TRIM24: variants seen among roughly 807,000 people sequenced by gnomAD.
TRIM24 encodes tripartite motif containing 24.
In TRIM24, 29 loss-of-function variants were observed where a neutral mutation model predicts 123.9. That is an observed-to-expected ratio of 0.23 (90% CI 0.17 to 0.32). The LOEUF (loss-of-function observed/expected upper bound fraction) is 0.32. TRIM24 is among the 10% of genes least tolerant of loss of function. The pLI is 1.00. For synonymous variants in TRIM24, 456 were observed against 461.1 expected, an observed-to-expected ratio of 0.99 and a Z score of 0.14; for missense variants, 932 against 1,295.3, an observed-to-expected ratio of 0.72 and a Z score of 4.31.
chr7:138,502,734 C>T (rs546793851), intron 1 of TRIM24, among the ~76,000 whole-genome samples: 1 of 152,282 alleles, frequency 6.6e-6, no homozygotes, highest in Non-Finnish European at 1.5e-5. Context: ...TGCATTGTGA[C>T]ATCTTTCCAG....
intron 1 of TRIM24, among the ~76,000 whole-genome samples, chr7:138,479,757 C>G (rs2116474373): frequency 6.6e-6 from 1 of 151,676 alleles, no homozygotes; most frequent in African/African-American, 2.4e-5. Context: ...ATCTGCCTGC[C>G]TTGGCCTCCC....
chr7:138,522,336 CAA>C (rs936449680), intron 4 of TRIM24, among the ~76,000 whole-genome samples: 2 of 134,858 alleles, frequency 1.5e-5, no homozygotes, highest in Non-Finnish European at 1.6e-5. Flanking sequence ...AACTCCATCT[CAA>C]AAAAAAAAAA....
intron 1 of TRIM24, among the ~76,000 whole-genome samples, chr7:138,476,488 G>A (rs1219796246): frequency 6.6e-6 from 1 of 151,914 alleles, no homozygotes; most frequent in Non-Finnish European, 1.5e-5. Flanking sequence ...AGTTACTCAG[G>A]AGGCTGAGGC....
chr7:138,566,094 G>A (rs1797529509), intron 9 of TRIM24, among the ~76,000 whole-genome samples: 1 of 152,176 alleles, frequency 6.6e-6, no homozygotes, highest in Non-Finnish European at 1.5e-5. Flanking sequence ...GCTGGCCTTG[G>A]AGTGAGTCAG....
At chr7:138,574,933 AATATTT>A (rs1318007492) in intron 12 of TRIM24, among the ~76,000 whole-genome samples, 14 of 152,192 alleles carry the variant, frequency 9.2e-5, no homozygotes, top group African/African-American at 2.9e-4. Flanking sequence ...CGTATTTATT[AATATTT>A]ATATTACTAT....
intron 1 of TRIM24, among the ~76,000 whole-genome samples, chr7:138,480,495 T>C (rs1795502709): frequency 6.6e-6 from 1 of 152,216 alleles, no homozygotes; most frequent in Admixed American, 6.5e-5. Context: ...AATTTTCCAT[T>C]CTGTTATTGC....
chr7:138,556,929 C>T (rs986384698), intron 9 of TRIM24, among the ~76,000 whole-genome samples: 1 of 152,212 alleles, frequency 6.6e-6, no homozygotes, highest in African/African-American at 2.4e-5. Context: ...TGGCACAAAA[C>T]TCGTGGTACA....
intron 1 of TRIM24, among the ~76,000 whole-genome samples, chr7:138,462,972 C>T (rs555942128): frequency 6.7e-6 from 1 of 148,188 alleles, no homozygotes; most frequent in African/African-American, 2.5e-5. Flanking sequence ...TAGGTTCAAG[C>T]GATTGTCCTG....
intron 1 of TRIM24, among the ~76,000 whole-genome samples, chr7:138,494,899 G>A (rs962351659): frequency 1.1e-4 from 16 of 152,082 alleles, no homozygotes; most frequent in African/African-American, 3.9e-4. Context: ...AGTCATCATT[G>A]TAATAGCAAA....
chr7:138,461,008 C>T lies in TRIM24; in HGVS notation c.364+96C>T, dbSNP rs893187204. On this transcript the variant is annotated intron_variant, in intron 1 of 18. Transcript: ENST00000343526. Reference sequence around the variant, plus strand: ...GCGACCCGCTGTCATGTCGCCGCCGCCCGGGGTGCGCGGCGGGGGAGGGGC... The same window carrying T: ...GCGACCCGCTGTCATGTCGCCGCCGTCCGGGGTGCGCGGCGGGGGAGGGGC... The T allele has an allele frequency of 7.1e-6, 8 of 1,127,012 alleles. No individual in the cohort carries two copies. In the African/African-American group the frequency reaches 1.0e-4, roughly 14 times the overall value. 69.8% of individuals were successfully genotyped at this position (1,127,012 alleles called of 1,614,324 possible). A position where few individuals can be genotyped will look rare whatever the true frequency, so the allele number is the denominator to read the frequency against.
At chr7:138,527,059 C>T (rs897562058) in intron 5 of TRIM24, among the ~76,000 whole-genome samples, 25 of 151,236 alleles carry the variant, frequency 1.7e-4, no homozygotes, top group Admixed American at 6.6e-4. Flanking sequence ...TTTTATGTAC[C>T]GCTGTCAATT....
chr7:138,503,771 A>G (rs966280572), intron 1 of TRIM24, among the ~76,000 whole-genome samples: 1 of 151,942 alleles, frequency 6.6e-6, no homozygotes, highest in African/African-American at 2.4e-5. Context: ...TGTTATTTTT[A>G]TTTATTGTTT....
chr7:138,497,279 G>C (rs1795928146), intron 1 of TRIM24, among the ~76,000 whole-genome samples: 1 of 151,954 alleles, frequency 6.6e-6, no homozygotes, highest in African/African-American at 2.4e-5. Flanking sequence ...TGTTCCCCAG[G>C]CTGGTCTTGA....
rs1326463155 is a variant in TRIM24 at position 138,576,403 on chromosome 7, C to T, written c.2045C>T (p.Pro682Leu). 11 of 1,613,842 alleles carry T rather than the reference C, an allele frequency of 6.8e-6. No individual in the cohort carries two copies. The East Asian group carries it at 8.9e-5, about 13-fold the overall frequency. The change falls in exon 13 of 19, where the codon CCA becomes CTA. Residue 682 changes from proline to leucine, a missense_variant. By Grantham distance (98) the Pro-to-Leu change is moderately conservative. Coordinates refer to ENST00000343526, the MANE Select transcript of TRIM24 (RefSeq NM_015905.3). Reference protein sequence around the residue: ...GPVTMTSVHPPIRSPSASSVG... With the variant: ...GPVTMTSVHPLIRSPSASSVG... Reference sequence around the variant, plus strand: ...GTTACTATGACTAGTGTACACCCCCCAATACGTTCACCTAGTGCCTCCAGC... The same window carrying T: ...GTTACTATGACTAGTGTACACCCCCTAATACGTTCACCTAGTGCCTCCAGC...
At chr7:138,499,905 T>C (rs1462736430) in intron 1 of TRIM24, among the ~76,000 whole-genome samples, 1 of 152,164 alleles carries the variant, frequency 6.6e-6, no homozygotes, top group East Asian at 1.9e-4. Flanking sequence ...TAAGAGTCAG[T>C]ACTATTAGTG....
intron 6 of TRIM24, among the ~76,000 whole-genome samples, chr7:138,530,700 T>C (rs1412834162): frequency 6.6e-6 from 1 of 151,924 alleles, no homozygotes; most frequent in Non-Finnish European, 1.5e-5. Flanking sequence ...ACTACTGGGC[T>C]CAGGCAGTCT....
At chr7:138,519,865 TAA>T (rs1454951868) in intron 4 of TRIM24, among the ~76,000 whole-genome samples, 1 of 152,178 alleles carries the variant, frequency 6.6e-6, no homozygotes, top group Non-Finnish European at 1.5e-5. Flanking sequence ...AGCTCACTTT[TAA>T]ATCTGATCTC....
At chr7:138,480,938 T>C (rs1449568054) in intron 1 of TRIM24, among the ~76,000 whole-genome samples, 1 of 152,112 alleles carries the variant, frequency 6.6e-6, no homozygotes, top group Non-Finnish European at 1.5e-5. Context: ...GTCTCTCCTA[T>C]TTTTTCTTTT....
chr7:138,497,213 GT>G (rs1563033426), intron 1 of TRIM24, among the ~76,000 whole-genome samples: 2 of 151,910 alleles, frequency 1.3e-5, no homozygotes, highest in Admixed American at 6.6e-5. Context: ...TCGTGGGAAG[GT>G]TTTTTGTTTG....
Sources: allele counts gnomAD v4.1 joint callset (sites outside exome capture counted in the v4.1 genomes callset), GRCh38; gene constraint gnomAD v4.1.1; transcripts MANE v1.5; gene names NCBI Gene and HGNC (gene_info 2026-07-23, HGNC 2026-07-21).